Variants in RC3H2 observed in about 807,000 individuals in gnomAD.
RC3H2 encodes the protein roquin-2.
A neutral mutation model predicts 133.3 loss-of-function variants in RC3H2; 31 were observed. The ratio of observed to expected loss-of-function variants is 0.23; its 90% confidence interval spans 0.17 to 0.31. The LOEUF is 0.31. Ranked by LOEUF, RC3H2 falls within the 10% of genes least tolerant of loss-of-function variation. The pLI is 1.00. For synonymous variants in RC3H2, 517 were observed against 502.2 expected, an observed-to-expected ratio of 1.03 and a Z score of -0.40; for missense variants, 1,175 against 1,437.2, an observed-to-expected ratio of 0.82 and a Z score of 2.95.
In RC3H2 at chr9:122,880,780, A is replaced by C; in HGVS notation, c.774T>G (p.Asp258Glu). Residue 258 changes from aspartate to glutamate, a missense_variant, in exon 6 of 21, where the codon GAT becomes GAG. Around this residue, in one of 8 missense-constraint regions of RC3H2, gnomAD observed 121 missense variants for 243.5 expected, o/e 0.50. Transcript: ENST00000357244. ...RASCFKVTKRDEDSSLMQLKE... is the reference protein window; with the variant it reads ...RASCFKVTKREEDSSLMQLKE... ...TCAGCTGCATTAGGGAAGAGTCTTC[A>C]TCTCTTTTGGTAACCTAAAAAATAG... The C allele has an allele frequency of 6.2e-7, 1 of 1,613,516 alleles. No individual in the cohort carries two copies. Among genetic ancestry groups the C allele is most frequent in the East Asian group, 2.2e-5 (1 of 44,864 alleles).
intron 2 of RC3H2, among the ~76,000 whole-genome samples, chr9:122,894,254 G>A (rs536688537): frequency 2.7e-5 from 4 of 149,628 alleles, no homozygotes; most frequent in Non-Finnish European, 4.5e-5. Context: ...GCAAGACTCC[G>A]TCTCAAAAAA....
At chr9:122,882,502 T>C (rs933269580) in intron 5 of RC3H2, among the ~76,000 whole-genome samples, 5 of 152,252 alleles carry the variant, frequency 3.3e-5, no homozygotes, top group African/African-American at 1.2e-4. Flanking sequence ...TTTACTTTCA[T>C]AGAAGCCAAT....
At chr9:122,883,769 C>CCCAGGAGTTTGAGA (rs1337227338) in intron 4 of RC3H2, among the ~76,000 whole-genome samples, 1 of 151,984 alleles carries the variant, frequency 6.6e-6, no homozygotes, top group African/African-American at 2.4e-5. Flanking sequence ...ACTGTTTGAG[C>CCCAGGAGTTTGAGA]CCAGGAGTTT....
chr9:122,890,241 C>T (rs1832106629), intron 4 of RC3H2, 71 bp downstream of exon 4: 3 of 1,098,682 alleles, frequency 2.7e-6, no homozygotes, highest in Non-Finnish European at 4.1e-6. Context: ...TCAGGATTCA[C>T]CGAGCTCCAG....
rs749075477 is a variant in RC3H2, at chr9:122,849,858, C to A, written c.3381-36G>T. Reference sequence around the variant, plus strand: ...AGAAATGACATTAAAAACAAATTAGCTTTAAGTGCAAACTGTTAAGGGTGA... The same window carrying A: ...AGAAATGACATTAAAAACAAATTAGATTTAAGTGCAAACTGTTAAGGGTGA... On this transcript the variant is annotated intron_variant, in intron 20 of 20. Transcript: ENST00000357244. 3 of 1,459,172 alleles carry A rather than the reference C, an allele frequency of 2.1e-6. No homozygotes were observed. In the South Asian group the frequency reaches 4.1e-5, roughly 20 times the overall value. 90.4% of individuals were successfully genotyped at this position (1,459,172 alleles called of 1,614,324 possible).
At chr9:122,883,918 A>G (rs1397465161) in intron 4 of RC3H2, among the ~76,000 whole-genome samples, 2 of 152,164 alleles carry the variant, frequency 1.3e-5, no homozygotes, top group Non-Finnish European at 2.9e-5. Flanking sequence ...ACTTGAGCCC[A>G]GGAGGTTGAA....
At chr9:122,892,812 C>G in intron 3 of RC3H2, 97 bp downstream of exon 3, 1 of 908,192 alleles carries the variant, frequency 1.1e-6, no homozygotes, top group Non-Finnish European at 1.7e-6. Flanking sequence ...AAGCAAACTC[C>G]TTTTCCATAA....
At chr9:122,853,034 C>CTT (rs1159373938) in intron 18 of RC3H2, among the ~76,000 whole-genome samples, 1 of 152,150 alleles carries the variant, frequency 6.6e-6, no homozygotes, top group Non-Finnish European at 1.5e-5. Flanking sequence ...TTGTTCTGTA[C>CTT]TAAGAAAAAT....
At chr9:122,865,880 T>C (rs761662113) in intron 9 of RC3H2, among the ~76,000 whole-genome samples, 7 of 138,574 alleles carry the variant, frequency 5.1e-5, no homozygotes, top group Non-Finnish European at 9.2e-5. Flanking sequence ...GTAATTAATA[T>C]AGCAAGCCGA....
intron 11 of RC3H2, 124 bp from the exon 12 acceptor site, chr9:122,859,226 C>A: frequency 1.5e-6 from 1 of 662,206 alleles, no homozygotes; most frequent in Non-Finnish European, 2.2e-6. Flanking sequence ...TTACCTTACC[C>A]TGCTTTATAA....
intron 1 of RC3H2, among the ~76,000 whole-genome samples, chr9:122,902,707 C>T (rs1399587389): frequency 6.6e-6 from 1 of 151,894 alleles, no homozygotes; most frequent in African/African-American, 2.4e-5. Context: ...CAAAAATTAG[C>T]CTGGTGTAGT....
rs1162374768 is a variant in RC3H2, at chr9:122,879,892, GGCAT to G, written c.1094-23_1094-20del. ...ACAGCGTCTAAAATAAGCCACCAAG[GGCAT>G]GGGGGTTGGGGGGGAAGAATGTTAG... On this transcript the variant is annotated intron_variant, in intron 7 of 20. Coordinates refer to ENST00000357244, the MANE Select transcript of RC3H2 (RefSeq NM_001100588.3). 9 of 1,612,064 alleles carry G rather than the reference GGCAT, an allele frequency of 5.6e-6. No individual in the cohort carries two copies. The highest frequency in any genetic ancestry group is 7.6e-6 in the Non-Finnish European group (9 of 1,178,270).
chr9:122,859,889 T>C (rs1431205685), intron 11 of RC3H2, 28 bp downstream of exon 11: 1 of 1,517,704 alleles, frequency 6.6e-7, no homozygotes, highest in Admixed American at 1.7e-5. Flanking sequence ...TGTTTCTTTT[T>C]TTCTTAGAAT....
intron 13 of RC3H2, among the ~76,000 whole-genome samples, chr9:122,857,719 A>T (rs1157836065): frequency 1.3e-5 from 2 of 152,256 alleles, no homozygotes; most frequent in African/African-American, 4.8e-5. Context: ...TTGAATTCTT[A>T]GTAAAGGACT....
At chr9:122,890,243 G>A (rs1832106865) in intron 4 of RC3H2, 69 bp downstream of exon 4, 2 of 1,114,310 alleles carry the variant, frequency 1.8e-6, no homozygotes, top group South Asian at 1.3e-5. Flanking sequence ...AGGATTCACC[G>A]AGCTCCAGAA....
chr9:122,885,132 G>A (rs137888840), intron 4 of RC3H2, among the ~76,000 whole-genome samples: 357 of 152,220 alleles, frequency 2.3e-3, no homozygotes, highest in African/African-American at 8.3e-3. Context: ...TTTAATGAAT[G>A]TAATATTGTT....
chr9:122,898,428 A>C (rs1019497466), intron 1 of RC3H2, among the ~76,000 whole-genome samples: 14 of 152,150 alleles, frequency 9.2e-5, no homozygotes, highest in Non-Finnish European at 1.3e-4. Flanking sequence ...AGAAAAAAAC[A>C]GTGAGAGAAT....
chr9:122,901,420 A>T (rs1254803053), intron 1 of RC3H2, among the ~76,000 whole-genome samples: 1 of 152,192 alleles, frequency 6.6e-6, no homozygotes, highest in African/African-American at 2.4e-5. Context: ...TAAGCTAGAA[A>T]CTCAGTACTG....
chr9:122,865,708 C>G, intron 9 of RC3H2, 51 bp from the exon 10 acceptor site: 1 of 1,535,034 alleles, frequency 6.5e-7, no homozygotes, highest in Non-Finnish European at 8.8e-7. Flanking sequence ...AAATCTTACT[C>G]AAGACAAAAA....
Sources: allele counts gnomAD v4.1 joint callset (sites outside exome capture counted in the v4.1 genomes callset), GRCh38; gene constraint gnomAD v4.1.1; regional missense constraint gnomAD v4.1.1; transcripts MANE v1.5; gene names NCBI Gene and HGNC (gene_info 2026-07-23, HGNC 2026-07-21).